The following SYT1 variants were observed in gnomAD, a reference collection of about 807,000 sequenced individuals.
SYT1 encodes the protein synaptotagmin-1.
Under a neutral mutation model 44.8 loss-of-function variants are expected in SYT1, and 8 were observed. That is an observed-to-expected ratio of 0.18 (90% CI 0.10 to 0.32). The LOEUF is 0.32. SYT1 is among the 10% of genes least tolerant of loss of function. SYT1 has a pLI of 1.00. For synonymous variants in SYT1, 154 were observed against 188.8 expected, an observed-to-expected ratio of 0.82 and a Z score of 1.51; for missense variants, 286 against 509.3, an observed-to-expected ratio of 0.56 and a Z score of 4.22.
chr12:79,001,551 A>G (rs549323900), intron 2 of SYT1, among the ~76,000 whole-genome samples: 2 of 152,272 alleles, frequency 1.3e-5, no homozygotes, highest in South Asian at 4.1e-4. Context: ...GGTTGGTAAG[A>G]TCAGGTGCTA....
intron 2 of SYT1, among the ~76,000 whole-genome samples, chr12:79,032,800 C>A (rs1001120028): frequency 6.6e-6 from 1 of 151,188 alleles, no homozygotes; most frequent in Non-Finnish European, 1.5e-5. Flanking sequence ...AAAAGTGTTA[C>A]AAACTTAAAC....
At chr12:79,083,440 G>C (rs1273236786) in intron 3 of SYT1, among the ~76,000 whole-genome samples, 3 of 152,046 alleles carry the variant, frequency 2.0e-5, no homozygotes, top group Admixed American at 6.6e-5. Flanking sequence ...GGAGTTATGG[G>C]CCAGGATGCT....
intron 4 of SYT1, among the ~76,000 whole-genome samples, chr12:79,241,413 G>A (rs930972796): frequency 6.6e-6 from 1 of 152,040 alleles, no homozygotes; most frequent in African/African-American, 2.4e-5. Flanking sequence ...TGGGACTACA[G>A]GTGGGCGCCA....
intron 9 of SYT1, among the ~76,000 whole-genome samples, chr12:79,380,088 G>GA (rs1431270091): frequency 3.3e-5 from 5 of 152,084 alleles, no homozygotes; most frequent in African/African-American, 1.2e-4. Context: ...GTATTTTACT[G>GA]AAAAAGATTC....
At chr12:79,243,325 A>ACAGC (rs1187697726) in intron 4 of SYT1, among the ~76,000 whole-genome samples, 1 of 152,190 alleles carries the variant, frequency 6.6e-6, no homozygotes, top group Non-Finnish European at 1.5e-5. Flanking sequence ...TTGCCCTAGC[A>ACAGC]CAGCCACATG....
intron 10 of SYT1, among the ~76,000 whole-genome samples, chr12:79,445,889 A>G (rs189744743): frequency 0.011 from 1,603 of 144,720 alleles, 41 homozygotes; most frequent in African/African-American, 0.038. Context: ...TATAAAATAT[A>G]TATTTTATAT....
At chr12:79,106,144 A>G (rs192288197) in intron 3 of SYT1, among the ~76,000 whole-genome samples, 18 of 152,322 alleles carry the variant, frequency 1.2e-4, no homozygotes, top group Non-Finnish European at 2.2e-4. Flanking sequence ...TGGAAATGCA[A>G]AAGTAAACTA....
chr12:79,140,568 C>T (rs999111072), intron 3 of SYT1, among the ~76,000 whole-genome samples: 4 of 152,062 alleles, frequency 2.6e-5, no homozygotes, highest in Admixed American at 2.0e-4. Flanking sequence ...TATAAAAGAC[C>T]GTGTGCTTCG....
chr12:79,419,627 A>G (rs997715303), intron 9 of SYT1, among the ~76,000 whole-genome samples: 2 of 152,142 alleles, frequency 1.3e-5, no homozygotes, highest in Non-Finnish European at 2.9e-5. Flanking sequence ...AATTTTTTTA[A>G]TGAAATATTT....
At chr12:79,204,195 T>C (rs1045400474) in intron 3 of SYT1, among the ~76,000 whole-genome samples, 20 of 152,242 alleles carry the variant, frequency 1.3e-4, no homozygotes, top group African/African-American at 4.8e-4. Flanking sequence ...AAAGCACTTA[T>C]AATAATGTCT....
chr12:78,914,330 G>A (rs1005836945), intron 1 of SYT1, among the ~76,000 whole-genome samples: 3 of 151,818 alleles, frequency 2.0e-5, no homozygotes, highest in Admixed American at 2.0e-4. Flanking sequence ...GTGCATAACT[G>A]GGACTAGAAA....
intron 2 of SYT1, among the ~76,000 whole-genome samples, chr12:79,015,967 C>T (rs1444530981): frequency 6.6e-6 from 1 of 152,076 alleles, no homozygotes; most frequent in Non-Finnish European, 1.5e-5. Context: ...GTGTAATGAG[C>T]CATGGTGCCT....
At position 79,179,367 on chromosome 12, in the gene SYT1, G is replaced by GATATATCTATATATATCC. The variant is rs1565841992; in HGVS notation, c.-17-38131_-17-38130insTCTATATATATCCATATA. On this transcript the variant is annotated intron_variant, in intron 3 of 10. Transcript: ENST00000261205. Reference sequence around the variant, plus strand: ...ATATGTCTATATCGATATAGATATAGATATAGATATAGATATATCGATATA... The same window carrying GATATATCTATATATATCC: ...ATATGTCTATATCGATATAGATATAGATATATCTATATATATCCATATAGATATAGATATATCGATATA... Among the ~76,000 whole-genome samples, 2 of 2,182 alleles carry GATATATCTATATATATCC rather than the reference G, an allele frequency of 9.2e-4. 1 individual carries two copies. The highest frequency in any genetic ancestry group is 0.015 in the Admixed American group (2 of 134). The allele number at this position is 2,182 out of a possible 152,430, so 1.4% of individuals were successfully genotyped here.
chr12:78,912,207 C>T (rs538745421), intron 1 of SYT1, among the ~76,000 whole-genome samples: 6 of 151,906 alleles, frequency 3.9e-5, no homozygotes, highest in Non-Finnish European at 8.8e-5. Flanking sequence ...CATCTTCTTC[C>T]TTTCGTATTC....
At chr12:79,008,586 C>T (rs1029157389) in intron 2 of SYT1, among the ~76,000 whole-genome samples, 1 of 151,878 alleles carries the variant, frequency 6.6e-6, no homozygotes, top group South Asian at 2.1e-4. Flanking sequence ...GCTGTGAGAA[C>T]GATATGAAGT....
chr12:79,331,058 C>T (rs995758342), intron 8 of SYT1, among the ~76,000 whole-genome samples: 19 of 152,184 alleles, frequency 1.2e-4, no homozygotes, highest in African/African-American at 4.1e-4. Flanking sequence ...CCCAGCTTAA[C>T]TCTGTAACCT....
At chr12:79,146,134 T>TC in intron 3 of SYT1, among the ~76,000 whole-genome samples, 1 of 152,250 alleles carries the variant, frequency 6.6e-6, no homozygotes, top group Middle Eastern at 3.4e-3. Context: ...CAAAAACCAC[T>TC]TCAGACTTCA....
At chr12:79,128,299 G>A (rs1319418605) in intron 3 of SYT1, among the ~76,000 whole-genome samples, 1 of 152,084 alleles carries the variant, frequency 6.6e-6, no homozygotes, top group Admixed American at 6.6e-5. Flanking sequence ...AGGCTGAGGT[G>A]GGAGCACCTG....
At chr12:79,020,398 C>A (rs1872111348) in intron 2 of SYT1, among the ~76,000 whole-genome samples, 1 of 151,692 alleles carries the variant, frequency 6.6e-6, no homozygotes, top group Non-Finnish European at 1.5e-5. Context: ...ATTTCCCTGG[C>A]AGAATAATAA....
Sources: gnomAD v4.1 joint callset for allele counts (sites outside exome capture counted in the v4.1 genomes callset) on GRCh38, gnomAD v4.1.1 for gene constraint, MANE v1.5 for transcripts, NCBI Gene and HGNC (gene_info 2026-07-23, HGNC 2026-07-21) for gene names.